CSMD3: variants seen among roughly 807,000 people sequenced by gnomAD.
CSMD3 encodes the protein CUB and Sushi multiple domains 3, also known as CUB and sushi domain-containing protein 3.
In CSMD3, 177 loss-of-function variants were observed where a neutral mutation model predicts 435.2. The observed-to-expected ratio is 0.41, with a 90% CI of 0.36 to 0.46. The LOEUF (loss-of-function observed/expected upper bound fraction) is 0.46. Ranked by LOEUF, CSMD3 falls within the 20% of genes least tolerant of loss-of-function variation. The pLI, the probability that CSMD3 is intolerant of heterozygous loss-of-function variation, is 0.34. For missense variants in CSMD3, 4,265 were observed against 4,504.6 expected (o/e 0.95, Z 1.52); for synonymous variants, 1,656 against 1,520.5 (o/e 1.09, Z -2.07).
chr8:113,204,653 G>C (rs1177910213), intron 3 of CSMD3, among the ~76,000 whole-genome samples: 1 of 152,056 alleles, frequency 6.6e-6, no homozygotes, highest in Non-Finnish European at 1.5e-5. Flanking sequence ...TCCATTCATG[G>C]TAAGTGCCCT....
chr8:112,413,761 G>A (rs757341404), intron 32 of CSMD3, among the ~76,000 whole-genome samples: 37 of 152,134 alleles, frequency 2.4e-4, no homozygotes, highest in Non-Finnish European at 4.3e-4. Context: ...TGGTTGAAAC[G>A]TTCTACCACT....
intron 41 of CSMD3, among the ~76,000 whole-genome samples, chr8:112,344,941 T>C (rs943817749): frequency 2.0e-5 from 3 of 152,122 alleles, no homozygotes; most frequent in Non-Finnish European, 4.4e-5. Context: ...ATAATAACTG[T>C]ACTACTTGAT....
At chr8:113,084,672 G>GA (rs1214350341) in intron 5 of CSMD3, among the ~76,000 whole-genome samples, 2 of 115,350 alleles carry the variant, frequency 1.7e-5, no homozygotes, top group Admixed American at 8.0e-5. Context: ...TAAGAAAAAA[G>GA]AAAAAAATCC....
intron 24 of CSMD3, among the ~76,000 whole-genome samples, chr8:112,560,337 G>C (rs1324458427): frequency 6.6e-6 from 1 of 151,512 alleles, no homozygotes; most frequent in Non-Finnish European, 1.5e-5. Context: ...CCTTGTTTTT[G>C]TATAGCTGAA....
chr8:112,596,620 A>G (rs993863398), intron 22 of CSMD3, among the ~76,000 whole-genome samples: 3 of 152,040 alleles, frequency 2.0e-5, no homozygotes, highest in African/African-American at 7.2e-5. Context: ...TTGGAAGTAA[A>G]GCTCTCCTCA....
intron 13 of CSMD3, among the ~76,000 whole-genome samples, chr8:112,784,624 C>A (rs1189614189): frequency 6.6e-6 from 1 of 151,828 alleles, no homozygotes; most frequent in Non-Finnish European, 1.5e-5. Flanking sequence ...TCATTAGATG[C>A]TACTGTGAGC....
intron 13 of CSMD3, among the ~76,000 whole-genome samples, chr8:112,748,110 T>C (rs2132088608): frequency 6.6e-6 from 1 of 152,312 alleles, no homozygotes; most frequent in Admixed American, 6.5e-5. Context: ...TATTGCCTTC[T>C]GGTTATTGCT....
intron 10 of CSMD3, among the ~76,000 whole-genome samples, chr8:112,861,023 G>C (rs2080812861): frequency 6.6e-6 from 1 of 151,808 alleles, no homozygotes; most frequent in Non-Finnish European, 1.5e-5. Flanking sequence ...GATGCTTTGA[G>C]GAAGCACTTT....
chr8:112,652,411 T>A (rs1406339867), intron 18 of CSMD3, among the ~76,000 whole-genome samples: 1 of 152,158 alleles, frequency 6.6e-6, no homozygotes, highest in African/African-American at 2.4e-5. Flanking sequence ...TCGTCTAAAA[T>A]CAGAGAAATG....
chr8:112,225,681 A>C (rs754421234), intron 70 of CSMD3, among the ~76,000 whole-genome samples: 1 of 152,188 alleles, frequency 6.6e-6, no homozygotes, highest in East Asian at 1.9e-4. Context: ...TGAATGCTCA[A>C]TTTTATTTTT....
intron 38 of CSMD3, among the ~76,000 whole-genome samples, chr8:112,364,626 G>A (rs1484400562): frequency 6.6e-6 from 1 of 152,028 alleles, no homozygotes; most frequent in African/African-American, 2.4e-5. Flanking sequence ...ATCAGGCAAA[G>A]AGTCTAATCC....
intron 32 of CSMD3, among the ~76,000 whole-genome samples, chr8:112,453,596 C>T (rs538219182): frequency 2.0e-5 from 3 of 152,148 alleles, no homozygotes; most frequent in Admixed American, 6.5e-5. Flanking sequence ...CAAAATAGTG[C>T]TGAAATAAGT....
chr8:113,210,286 G>A (rs550025459), intron 3 of CSMD3, among the ~76,000 whole-genome samples: 4 of 151,974 alleles, frequency 2.6e-5, no homozygotes, highest in Non-Finnish European at 5.9e-5. Context: ...TGGAGTATGA[G>A]CACTGGAATA....
At chr8:113,229,639 T>TC in intron 3 of CSMD3, among the ~76,000 whole-genome samples, 1 of 151,784 alleles carries the variant, frequency 6.6e-6, no homozygotes, top group South Asian at 2.1e-4. Context: ...TAGCCACAAC[T>TC]TGGCAAAGTC....
Position 112,349,283 on chromosome 8 carries a change from T to A in CSMD3, c.6325+1892A>T, listed in dbSNP as rs565167084. 3.5e-4 allele frequency among the ~76,000 whole-genome samples: 53 copies of A among 152,218 alleles called. No homozygotes were observed. The South Asian group carries it at 0.01, about 29-fold the overall frequency. ...AAATTCAAATTTTGTTTGTTTCAGT[T>A]GTAGTTTTTGACATTTCAAATTTTG... On this transcript the variant is annotated intron_variant, in intron 40 of 70. Coordinates refer to ENST00000297405, the MANE Select transcript of CSMD3 (RefSeq NM_198123.2).
chr8:112,686,706 G>A (rs545119220), intron 14 of CSMD3, among the ~76,000 whole-genome samples: 1 of 151,902 alleles, frequency 6.6e-6, no homozygotes, highest in Non-Finnish European at 1.5e-5. Flanking sequence ...AGCTGATCTC[G>A]AACGCCTGAC....
chr8:112,736,283 T>C (rs1021043502), intron 13 of CSMD3, among the ~76,000 whole-genome samples: 3 of 152,038 alleles, frequency 2.0e-5, no homozygotes, highest in Admixed American at 6.6e-5. Context: ...TAAAATTTGA[T>C]TATGACTGTT....
intron 59 of CSMD3, among the ~76,000 whole-genome samples, chr8:112,270,561 C>T (rs767854468): frequency 1.3e-5 from 2 of 152,056 alleles, no homozygotes; most frequent in Non-Finnish European, 2.9e-5. Flanking sequence ...GATACCTTAC[C>T]GACTGAACTC....
At chr8:112,794,158 A>C (rs1295722228) in intron 13 of CSMD3, among the ~76,000 whole-genome samples, 1 of 151,964 alleles carries the variant, frequency 6.6e-6, no homozygotes, top group Admixed American at 6.6e-5. Context: ...TCAGCAAGTT[A>C]TTAATATTAA....
Sources: gnomAD v4.1 joint callset for allele counts (sites outside exome capture counted in the v4.1 genomes callset) on GRCh38, gnomAD v4.1.1 for gene constraint, MANE v1.5 for transcripts, NCBI Gene and HGNC (gene_info 2026-07-23, HGNC 2026-07-21) for gene names.